The following QTMAN variants were observed in gnomAD, a reference collection of about 807,000 sequenced individuals.
QTMAN encodes tRNA-queuosine alpha-mannosyltransferase.
At chr2:144,134,192 T>C in the QTMAN span, among the ~76,000 whole-genome samples, 1 of 152,130 alleles carries the variant, frequency 6.6e-6, no homozygotes, top group Non-Finnish European at 1.5e-5. Context: ...TGTAAAATAG[T>C]GTTTTTTTTT....
the QTMAN span, chr2:143,942,125 A>G: frequency 6.0e-6 from 1 of 166,868 alleles, no homozygotes. Flanking sequence ...GTAATAGGAA[A>G]GTAATATAAC....
At chr2:144,265,590 G>A in the QTMAN span, among the ~76,000 whole-genome samples, 16,445 of 152,042 alleles carry the variant, frequency 0.11, 1,130 homozygotes, top group Non-Finnish European at 0.16. Flanking sequence ...CCAGCTACTC[G>A]GGAGGCTGAG....
chr2:144,143,124 T>C, the QTMAN span, among the ~76,000 whole-genome samples: 1 of 151,964 alleles, frequency 6.6e-6, no homozygotes, highest in Non-Finnish European at 1.5e-5. Flanking sequence ...TCTGAATATG[T>C]TGAAGGTAGG....
At chr2:143,954,741 C>A in the QTMAN span, among the ~76,000 whole-genome samples, 1 of 152,062 alleles carries the variant, frequency 6.6e-6, no homozygotes, top group South Asian at 2.1e-4. Flanking sequence ...TTATAAAATT[C>A]ATTTCCATAA....
At chr2:144,288,627 A>G in the QTMAN span, among the ~76,000 whole-genome samples, 1 of 152,222 alleles carries the variant, frequency 6.6e-6, no homozygotes, top group Non-Finnish European at 1.5e-5. Flanking sequence ...AATTCCTACT[A>G]CAGAGAAATG....
At chr2:144,159,963 G>A in the QTMAN span, among the ~76,000 whole-genome samples, 1 of 151,568 alleles carries the variant, frequency 6.6e-6, no homozygotes, top group Admixed American at 6.6e-5. Context: ...AGAAACAAAA[G>A]GCAAAAATAA....
At chr2:144,271,231 T>C in the QTMAN span, among the ~76,000 whole-genome samples, 3 of 152,306 alleles carry the variant, frequency 2.0e-5, no homozygotes, top group East Asian at 1.9e-4. Flanking sequence ...TCCATGGAAA[T>C]AGCTGTTACA....
At chr2:144,324,071 G>A in the QTMAN span, among the ~76,000 whole-genome samples, 2 of 152,020 alleles carry the variant, frequency 1.3e-5, no homozygotes, top group Non-Finnish European at 2.9e-5. Flanking sequence ...TAGTTTTACA[G>A]ACTAAAACTT....
At chr2:144,136,250 CAGG>C in the QTMAN span, among the ~76,000 whole-genome samples, 1 of 151,282 alleles carries the variant, frequency 6.6e-6, no homozygotes. Flanking sequence ...CACTTGAGCC[CAGG>C]AGGTCAAGGA....
chr2:144,145,042 C>T, the QTMAN span, among the ~76,000 whole-genome samples: 1 of 144,444 alleles, frequency 6.9e-6, no homozygotes, highest in Non-Finnish European at 1.5e-5. Flanking sequence ...TCAGAAGACT[C>T]AACGAAGGAA....
the QTMAN span, chr2:144,011,742 G>A: frequency 2.0e-6 from 2 of 984,826 alleles, no homozygotes; most frequent in Non-Finnish European, 2.4e-6. Context: ...TTAATTCAAT[G>A]ACGTGACTAT....
At chr2:144,166,113 T>C in the QTMAN span, among the ~76,000 whole-genome samples, 1 of 152,168 alleles carries the variant, frequency 6.6e-6, no homozygotes, top group Non-Finnish European at 1.5e-5. Flanking sequence ...TCCTGCCTCA[T>C]CTATTTCACA....
chr2:144,133,256 A>C, the QTMAN span, among the ~76,000 whole-genome samples: 1 of 51,140 alleles, frequency 2.0e-5, no homozygotes, highest in Non-Finnish European at 2.9e-5. Flanking sequence ...AATATATATA[A>C]ATATATATAA....
chr2:144,198,032 A>G, the QTMAN span, among the ~76,000 whole-genome samples: 2 of 152,134 alleles, frequency 1.3e-5, no homozygotes, highest in African/African-American at 2.4e-5. Context: ...TTCAAGGCCA[A>G]TCTGGGCAAC....
At chr2:144,297,433 A>G in the QTMAN span, among the ~76,000 whole-genome samples, 3 of 152,002 alleles carry the variant, frequency 2.0e-5, no homozygotes, top group Non-Finnish European at 4.4e-5. Context: ...AATCCTCATG[A>G]CTTTTCTGGT....
chr2:144,043,746 G>A, the QTMAN span, among the ~76,000 whole-genome samples: 1 of 152,088 alleles, frequency 6.6e-6, no homozygotes, highest in Non-Finnish European at 1.5e-5. Context: ...TAAGTTATTA[G>A]TGAACAGAAA....
the QTMAN span, among the ~76,000 whole-genome samples, chr2:144,059,875 G>A: frequency 6.6e-6 from 1 of 152,068 alleles, no homozygotes; most frequent in East Asian, 1.9e-4. Flanking sequence ...TCTCAGGGAC[G>A]CCTTCCCAGG....
At chr2:143,990,969 A>C in the QTMAN span, among the ~76,000 whole-genome samples, 4 of 152,350 alleles carry the variant, frequency 2.6e-5, no homozygotes, top group East Asian at 5.8e-4. Context: ...ATTTAAAAAA[A>C]TCATTAAAGT....
the QTMAN span, among the ~76,000 whole-genome samples, chr2:144,291,729 T>C: frequency 6.6e-6 from 1 of 152,228 alleles, no homozygotes; most frequent in Admixed American, 6.5e-5. Flanking sequence ...CCGTACTTAA[T>C]GACCCAGTCT....
Sources: gnomAD v4.1 joint callset for allele counts (sites outside exome capture counted in the v4.1 genomes callset) on GRCh38, gnomAD v4.1.1 for gene constraint, MANE v1.5 for transcripts, NCBI Gene and HGNC (gene_info 2026-07-23, HGNC 2026-07-21) for gene names.